Variants in ERG observed in about 807,000 individuals in gnomAD.
The protein encoded by ERG is transcriptional regulator ERG.
In ERG, 9 loss-of-function variants were observed where a neutral mutation model predicts 55.3. That is an observed-to-expected ratio of 0.16 (90% CI 0.10 to 0.28). The LOEUF is 0.28. Among genes scored for constraint, ERG ranks in the 10% least tolerant of loss-of-function variants. The probability of loss-of-function intolerance (pLI) is 1.00; values close to 1 mark genes in which losing one functional copy is unlikely to be tolerated. For synonymous variants in ERG, 223 were observed against 237.3 expected, an observed-to-expected ratio of 0.94 and a Z score of 0.55; for missense variants, 434 against 631.6, an observed-to-expected ratio of 0.69 and a Z score of 3.35.
At chr21:38,428,930 C>T (rs993980051) in intron 2 of ERG, among the ~76,000 whole-genome samples, 19 of 152,016 alleles carry the variant, frequency 1.2e-4, no homozygotes, top group African/African-American at 4.1e-4. Flanking sequence ...CAGGTGGTGT[C>T]TGGTTACACG....
In ERG at chr21:38,460,166, G is replaced by T. The variant is rs2059028330; in HGVS notation, c.19-14545C>A. On this transcript the variant is annotated intron_variant, in intron 1 of 9. Transcript: ENST00000288319. This position sits in a 1 kb window ranked among gnomAD's most constrained non-coding sequence, Gnocchi z 5.0. ...GAACAAGGCCAGAGTGGACTGCGGG[G>T]GCTGCACGAGGAACAATGGGACCAA... Among the ~76,000 whole-genome samples, 1 of 152,304 alleles carries T rather than the reference G, an allele frequency of 6.6e-6. No homozygotes were observed.
At chr21:38,406,655 C>T (rs1220843397) in intron 3 of ERG, among the ~76,000 whole-genome samples, 1 of 151,846 alleles carries the variant, frequency 6.6e-6, no homozygotes, top group Non-Finnish European at 1.5e-5. Flanking sequence ...AATGGGAGGA[C>T]TATTTTTTTT....
chr21:38,600,740 T>A lies in ERG; in HGVS notation c.-149-15795A>T, dbSNP rs192453612. 2.6e-5 allele frequency among the ~76,000 whole-genome samples: 4 copies of A among 152,332 alleles called. No homozygotes were observed. The East Asian group carries it at 7.7e-4, about 29-fold the overall frequency. On this transcript the variant is annotated intron_variant, in intron 1 of 10. Transcript: ENST00000398910. ...TGTAGAATTAAACAATTAAGGCACATTTCTGGCTTAAAGATGCCAAGAGGT... is the reference window on the plus strand; with the variant it reads ...TGTAGAATTAAACAATTAAGGCACAATTCTGGCTTAAAGATGCCAAGAGGT...
intron 1 of ERG, among the ~76,000 whole-genome samples, chr21:38,643,579 C>A (rs2060438262): frequency 6.6e-6 from 1 of 152,070 alleles, no homozygotes; most frequent in Non-Finnish European, 1.5e-5. Context: ...CTCAGGTGTT[C>A]CGCAAAACAA....
chr21:38,575,963 A>G (rs2059992266), intron 1 of ERG, among the ~76,000 whole-genome samples: 1 of 152,262 alleles, frequency 6.6e-6, no homozygotes, highest in African/African-American at 2.4e-5. Flanking sequence ...AATGAGCCCA[A>G]GAGAACCCTA....
chr21:38,551,916 AT>A (rs1471182346), intron 2 of ERG, among the ~76,000 whole-genome samples: 2 of 152,042 alleles, frequency 1.3e-5, no homozygotes, highest in African/African-American at 4.8e-5. Flanking sequence ...TGCCTTGATG[AT>A]CTATCTAATA....
chr21:38,451,106 T>C (rs1001706336), intron 1 of ERG: 3 of 462,362 alleles, frequency 6.5e-6, no homozygotes, highest in African/African-American at 6.0e-5. Flanking sequence ...CCATGAGAGA[T>C]GGAATCACCT....
At chr21:38,530,471 AT>A (rs2146770454) in intron 2 of ERG, among the ~76,000 whole-genome samples, 1 of 152,326 alleles carries the variant, frequency 6.6e-6, no homozygotes, top group South Asian at 2.1e-4. Context: ...CAGAGGGTGG[AT>A]CTAAGACCAT....
chr21:38,529,915 G>A (rs1453313329), intron 2 of ERG, among the ~76,000 whole-genome samples: 2 of 152,054 alleles, frequency 1.3e-5, no homozygotes, highest in African/African-American at 4.8e-5. Flanking sequence ...GCAGTGAACC[G>A]AGATCACGCC....
At chr21:38,407,772 CA>C (rs1569073358) in intron 3 of ERG, among the ~76,000 whole-genome samples, 2 of 140,960 alleles carry the variant, frequency 1.4e-5, no homozygotes, top group Non-Finnish European at 3.1e-5. Flanking sequence ...AGTAAAAAAA[CA>C]AAAAGAAAAG....
Position 38,600,194 on chromosome 21 carries a change from G to A in ERG, c.-149-15249C>T, listed in dbSNP as rs574697452. ...CGCAATCCCCACCCAACCCCGCCCC[G>A]GCTTTGGCTACCCTGGGGCTGGCGA... On this transcript the variant is annotated intron_variant, in intron 1 of 10. Coordinates refer to the ERG transcript ENST00000398910. Among the ~76,000 whole-genome samples, 6 of 149,204 alleles carry A rather than the reference G, an allele frequency of 4.0e-5. No individual in the cohort carries two copies. The South Asian group carries it at 6.8e-4, about 17-fold the overall frequency.
chr21:38,636,068 T>A (rs2060386364), intron 1 of ERG, among the ~76,000 whole-genome samples: 1 of 151,842 alleles, frequency 6.6e-6, no homozygotes, highest in Admixed American at 6.6e-5. Context: ...CTTGCTGTTC[T>A]CAAGATAGTG....
intron 1 of ERG, among the ~76,000 whole-genome samples, chr21:38,476,767 T>A (rs887522695): frequency 3.9e-5 from 6 of 152,084 alleles, no homozygotes; most frequent in African/African-American, 1.4e-4. Context: ...TTTCTGCAGA[T>A]GTGCACCAAC....
intron 5 of ERG, among the ~76,000 whole-genome samples, chr21:38,401,720 G>A (rs1988504000): frequency 6.6e-6 from 1 of 152,128 alleles, no homozygotes; most frequent in Admixed American, 6.5e-5. Context: ...CTAACAGAGT[G>A]GGGTGAGCAG....
chr21:38,657,975 A>G (rs1347669299), intron 1 of ERG, among the ~76,000 whole-genome samples: 1 of 152,188 alleles, frequency 6.6e-6, no homozygotes, highest in Admixed American at 6.5e-5. Context: ...TGCCCCAAAG[A>G]TCTGAACGTC....
At chr21:38,478,816 C>T (rs1031849292) in intron 1 of ERG, among the ~76,000 whole-genome samples, 8 of 152,148 alleles carry the variant, frequency 5.3e-5, no homozygotes, top group African/African-American at 1.4e-4. Context: ...GTAGGTGCAA[C>T]GTGAAGACTT....
intron 3 of ERG, among the ~76,000 whole-genome samples, chr21:38,404,192 G>A (rs1436763690): frequency 6.6e-6 from 1 of 152,196 alleles, no homozygotes; most frequent in East Asian, 1.9e-4. Flanking sequence ...CAGTATTTAT[G>A]CAAAATACTG....
intron 2 of ERG, among the ~76,000 whole-genome samples, chr21:38,532,209 G>C (rs2059677269): frequency 6.6e-6 from 1 of 152,108 alleles, no homozygotes; most frequent in African/African-American, 2.4e-5. Flanking sequence ...TAATAATTGG[G>C]CACATGGGGG....
chr21:38,486,233 T>C (rs927470177), intron 1 of ERG, among the ~76,000 whole-genome samples: 1 of 152,042 alleles, frequency 6.6e-6, no homozygotes, highest in African/African-American at 2.4e-5. Context: ...GCACCTGGCC[T>C]CTACTGCATT....
Sources: allele counts gnomAD v4.1 joint callset (sites outside exome capture counted in the v4.1 genomes callset), GRCh38; gene constraint gnomAD v4.1.1; non-coding constraint Gnocchi (gnomAD v3.1); transcripts MANE v1.5; gene names NCBI Gene and HGNC (gene_info 2026-07-23, HGNC 2026-07-21).